The following SPATA16 variants were observed in gnomAD, a reference collection of about 807,000 sequenced individuals.
SPATA16 encodes the protein spermatogenesis associated 16, also known as spermatogenesis-associated protein 16.
Under a neutral mutation model 63.3 loss-of-function variants are expected in SPATA16, and 36 were observed. The observed-to-expected ratio is 0.57, with a 90% CI of 0.44 to 0.75. SPATA16 has a LOEUF of 0.75. Ranked by LOEUF, SPATA16 falls within the 30% of genes least tolerant of loss-of-function variation. The pLI, the probability that SPATA16 is intolerant of heterozygous loss-of-function variation, is 0.00. For missense variants in SPATA16, 646 were observed against 679.3 expected (o/e 0.95, Z 0.54); for synonymous variants, 203 against 216.7 (o/e 0.94, Z 0.56).
intron 8 of SPATA16, among the ~76,000 whole-genome samples, chr3:172,918,703 G>T (rs535707273): frequency 8.5e-5 from 13 of 152,142 alleles, no homozygotes; most frequent in Admixed American, 3.9e-4. Flanking sequence ...AAATCTAAAG[G>T]CAGGTAGCCC....
chr3:172,920,423 G>A (rs1002544468), intron 8 of SPATA16, among the ~76,000 whole-genome samples: 2 of 152,140 alleles, frequency 1.3e-5, no homozygotes, highest in Admixed American at 6.5e-5. Flanking sequence ...AAAACTTCTT[G>A]ACTATCAAAT....
chr3:172,925,306 GGCTACTATAT>G (rs1560068471), intron 7 of SPATA16, 30 bp downstream of exon 7: 3 of 1,612,308 alleles, frequency 1.9e-6, no homozygotes, highest in Non-Finnish European at 2.5e-6. Flanking sequence ...ACTCATCACA[GGCTACTATAT>G]GCTAGACCTT....
chr3:172,950,698 T>G (rs1733409528), intron 6 of SPATA16, among the ~76,000 whole-genome samples: 1 of 152,130 alleles, frequency 6.6e-6, no homozygotes, highest in African/African-American at 2.4e-5. Flanking sequence ...AAGAACAAGG[T>G]TATAAATTTC....
At chr3:173,088,079 T>TTTCTTTC (rs1341575315) in intron 2 of SPATA16, among the ~76,000 whole-genome samples, 13 of 105,992 alleles carry the variant, frequency 1.2e-4, no homozygotes, top group African/African-American at 3.1e-4. Context: ...TCTTTCTTTC[T>TTTCTTTC]GTCTTTTCTT....
chr3:173,072,260 G>T (rs1230948536), intron 2 of SPATA16, among the ~76,000 whole-genome samples: 1 of 152,164 alleles, frequency 6.6e-6, no homozygotes, highest in Non-Finnish European at 1.5e-5. Flanking sequence ...CATGTCCTTT[G>T]CAGCCACCTT....
At chr3:173,028,050 CCTTCCTTCCTTCCTTCCTTCCTTCCTTT>C (rs1560101092) in intron 3 of SPATA16, among the ~76,000 whole-genome samples, 48 of 117,238 alleles carry the variant, frequency 4.1e-4, no homozygotes, top group Admixed American at 9.2e-4. Context: ...TTCCTTCCTT[CCTTCCTTCCTTCCTTCCTTCCTTCCTTT>C]CTCTCTCTCT....
intron 3 of SPATA16, among the ~76,000 whole-genome samples, chr3:173,044,886 T>G (rs1174108962): frequency 1.3e-5 from 2 of 152,168 alleles, no homozygotes; most frequent in African/African-American, 4.8e-5. Flanking sequence ...AATTTAATCT[T>G]AAGGTGTGGT....
At chr3:173,116,441 G>A (rs1737902864) in intron 2 of SPATA16, among the ~76,000 whole-genome samples, 1 of 152,190 alleles carries the variant, frequency 6.6e-6, no homozygotes, top group Non-Finnish European at 1.5e-5. Flanking sequence ...TCATGAGCTA[G>A]TATAATTTTC....
intron 10 of SPATA16, among the ~76,000 whole-genome samples, chr3:172,902,771 A>G (rs1659962000): frequency 6.6e-6 from 1 of 152,166 alleles, no homozygotes; most frequent in African/African-American, 2.4e-5. Flanking sequence ...GTTTAATTCA[A>G]TTTTGATGAT....
At chr3:173,062,044 ATTTTTTTTTT>A (rs10618031) in intron 2 of SPATA16, among the ~76,000 whole-genome samples, 7 of 115,538 alleles carry the variant, frequency 6.1e-5, no homozygotes, top group African/African-American at 1.7e-4. Context: ...GTGCTTCAAC[ATTTTTTTTTT>A]TTTTTTTTTT....
chr3:173,135,659 A>C (rs1258304881), intron 1 of SPATA16, among the ~76,000 whole-genome samples: 1 of 152,242 alleles, frequency 6.6e-6, no homozygotes, highest in Admixed American at 6.5e-5. Flanking sequence ...CACAAATAAA[A>C]CATGGAGTGA....
chr3:172,988,539 G>A (rs1294377819), intron 4 of SPATA16, among the ~76,000 whole-genome samples: 5 of 152,210 alleles, frequency 3.3e-5, no homozygotes, highest in Non-Finnish European at 7.3e-5. Context: ...GAGATGGGGA[G>A]AGGCTGAGAT....
intron 2 of SPATA16, among the ~76,000 whole-genome samples, chr3:173,076,680 T>C (rs1198558992): frequency 6.6e-6 from 1 of 152,160 alleles, no homozygotes; most frequent in Admixed American, 6.5e-5. Flanking sequence ...GGAAATATAT[T>C]AGTCAATATT....
At chr3:173,075,384 A>G (rs1736774429) in intron 2 of SPATA16, among the ~76,000 whole-genome samples, 1 of 152,192 alleles carries the variant, frequency 6.6e-6, no homozygotes, top group Non-Finnish European at 1.5e-5. Context: ...TCCTCAAACA[A>G]CTAAAAATAA....
Position 172,908,528 on chromosome 3 carries a change from A to G in SPATA16, c.1587+5133T>C, listed in dbSNP as rs184513504. 3.7e-3 allele frequency among the ~76,000 whole-genome samples: 557 copies of G among 152,338 alleles called. 2 individuals are homozygous for G. The highest frequency in any genetic ancestry group is 5.8e-3 in the Non-Finnish European group (397 of 68,032). On this transcript the variant is annotated intron_variant, in intron 10 of 10. Transcript: ENST00000351008. ...CTGTCTCTTTCTGGGCTCTGAGAGA[A>G]ACTTCAAAGAAAACAAAATGTAGAC...
At chr3:173,076,368 C>A (rs59877701) in intron 2 of SPATA16, among the ~76,000 whole-genome samples, 3,255 of 151,670 alleles carry the variant, frequency 0.021, 125 homozygotes, top group African/African-American at 0.076. Context: ...CGCCGTTACA[C>A]CAGGTCTGAA....
At chr3:172,967,124 C>G (rs912608307) in intron 5 of SPATA16, among the ~76,000 whole-genome samples, 3 of 152,140 alleles carry the variant, frequency 2.0e-5, no homozygotes, top group Non-Finnish European at 4.4e-5. Flanking sequence ...TCCTGGGAAT[C>G]AAATATCTAG....
chr3:173,129,885 A>G (rs990702283), intron 1 of SPATA16, among the ~76,000 whole-genome samples: 1 of 152,132 alleles, frequency 6.6e-6, no homozygotes, highest in African/African-American at 2.4e-5. Context: ...TGGAATGGGT[A>G]CACTACGGGT....
chr3:172,984,422 C>T (rs1227745507), intron 4 of SPATA16, among the ~76,000 whole-genome samples: 1 of 152,214 alleles, frequency 6.6e-6, no homozygotes, highest in Non-Finnish European at 1.5e-5. Flanking sequence ...TATCCATCTT[C>T]CTTCCCCCTT....
Sources: gnomAD v4.1 joint callset for allele counts (sites outside exome capture counted in the v4.1 genomes callset) on GRCh38, gnomAD v4.1.1 for gene constraint, MANE v1.5 for transcripts, NCBI Gene and HGNC (gene_info 2026-07-23, HGNC 2026-07-21) for gene names.